Variants in NLGN1 observed in about 807,000 individuals in gnomAD.
NLGN1 encodes the protein neuroligin 1.
NLGN1 carries 12 observed loss-of-function variants against 65.5 expected under a neutral mutation model. The observed-to-expected ratio is 0.18, with a 90% CI of 0.12 to 0.30. The LOEUF (loss-of-function observed/expected upper bound fraction) is 0.30, where lower values mean the gene tolerates loss of function less well. Among genes scored for constraint, NLGN1 ranks in the 10% least tolerant of loss-of-function variants. The pLI, the probability that NLGN1 is intolerant of heterozygous loss-of-function variation, is 1.00. For synonymous variants in NLGN1, 350 were observed against 359.5 expected, an observed-to-expected ratio of 0.97 and a Z score of 0.30; for missense variants, 750 against 1,007.1, an observed-to-expected ratio of 0.74 and a Z score of 3.46.
chr3:173,765,653 A>G (rs1040213866), intron 3 of NLGN1, among the ~76,000 whole-genome samples: 2 of 152,128 alleles, frequency 1.3e-5, no homozygotes, highest in African/African-American at 4.8e-5. Context: ...TCTCTCTATA[A>G]ACTTAGTCCA....
chr3:174,224,035 C>T (rs897291797), intron 4 of NLGN1, among the ~76,000 whole-genome samples: 11 of 152,172 alleles, frequency 7.2e-5, no homozygotes, highest in Admixed American at 5.2e-4. Flanking sequence ...TGTATGATAA[C>T]CCTGAGAGTT....
chr3:173,503,624 A>C (rs561258496), intron 2 of NLGN1, among the ~76,000 whole-genome samples: 45 of 152,194 alleles, frequency 3.0e-4, no homozygotes, highest in African/African-American at 1.1e-3. Context: ...CTAAGCTGTT[A>C]CAGACCAGAC....
At chr3:173,919,609 C>G (rs1464592060) in intron 4 of NLGN1, among the ~76,000 whole-genome samples, 6 of 152,090 alleles carry the variant, frequency 3.9e-5, no homozygotes, top group Non-Finnish European at 8.8e-5. Context: ...ACACTCTTAA[C>G]TAGGTCATGC....
chr3:173,405,134 A>G (rs1356825324), intron 1 of NLGN1, among the ~76,000 whole-genome samples: 1 of 152,102 alleles, frequency 6.6e-6, no homozygotes, highest in Non-Finnish European at 1.5e-5. Flanking sequence ...TTTCCACAGA[A>G]AATAGTATGC....
At chr3:174,214,361 G>A (rs7646909) in intron 4 of NLGN1, among the ~76,000 whole-genome samples, 93,273 of 152,058 alleles carry the variant, frequency 0.61, 30,208 homozygotes, top group East Asian at 0.77. Context: ...GTAAATTACA[G>A]TGAAACTAGC....
chr3:174,226,285 T>A (rs1210883022), intron 4 of NLGN1, among the ~76,000 whole-genome samples: 1 of 152,072 alleles, frequency 6.6e-6, no homozygotes, highest in African/African-American at 2.4e-5. Flanking sequence ...CATTAGCTAC[T>A]CCCCCTACCC....
intron 2 of NLGN1, among the ~76,000 whole-genome samples, chr3:173,452,663 A>G (rs1050041783): frequency 4.6e-5 from 7 of 152,200 alleles, no homozygotes; most frequent in African/African-American, 1.7e-4. Context: ...ACATAAACTC[A>G]TATTTAAATG....
intron 4 of NLGN1, among the ~76,000 whole-genome samples, chr3:174,160,385 C>T (rs1365120283): frequency 1.3e-5 from 2 of 151,682 alleles, no homozygotes; most frequent in Non-Finnish European, 3.0e-5. Flanking sequence ...AATCCTTTTA[C>T]ATAACCATAG....
At chr3:173,979,023 C>G (rs1026159897) in intron 4 of NLGN1, among the ~76,000 whole-genome samples, 1 of 151,302 alleles carries the variant, frequency 6.6e-6, no homozygotes, top group African/African-American at 2.4e-5. Context: ...AAAATTGAAT[C>G]AAGAATGAGT....
chr3:173,485,151 A>T (rs1031575276), intron 2 of NLGN1, among the ~76,000 whole-genome samples: 1 of 151,212 alleles, frequency 6.6e-6, no homozygotes, highest in African/African-American at 2.4e-5. Context: ...CTTGTGCAAA[A>T]ACTACCATTT....
intron 4 of NLGN1, among the ~76,000 whole-genome samples, chr3:174,231,377 T>C (rs1740672685): frequency 6.6e-6 from 1 of 152,248 alleles, no homozygotes; most frequent in African/African-American, 2.4e-5. Context: ...AACAGTGAGA[T>C]TGGTTACAGC....
chr3:174,095,675 T>C (rs575108704), intron 4 of NLGN1, among the ~76,000 whole-genome samples: 64 of 152,162 alleles, frequency 4.2e-4, no homozygotes, highest in South Asian at 1.5e-3. Flanking sequence ...GATACATATA[T>C]ACACACACAC....
At chr3:174,105,720 T>C (rs554671185) in intron 4 of NLGN1, among the ~76,000 whole-genome samples, 10 of 152,032 alleles carry the variant, frequency 6.6e-5, no homozygotes, top group Non-Finnish European at 1.3e-4. Context: ...TATCTAGATA[T>C]ATATATATCT....
At chr3:174,161,533 C>T (rs1015444904) in intron 4 of NLGN1, among the ~76,000 whole-genome samples, 2 of 151,848 alleles carry the variant, frequency 1.3e-5, no homozygotes, top group Non-Finnish European at 2.9e-5. Flanking sequence ...TAATCATGTG[C>T]TGCAGCCAAG....
intron 2 of NLGN1, among the ~76,000 whole-genome samples, chr3:173,572,761 A>G (rs1744853797): frequency 1.3e-5 from 2 of 152,296 alleles, no homozygotes; most frequent in South Asian, 2.1e-4. Context: ...TCATCTGATC[A>G]GTCCTTTCAG....
At chr3:173,676,414 T>C (rs1763179958) in intron 3 of NLGN1, among the ~76,000 whole-genome samples, 1 of 152,178 alleles carries the variant, frequency 6.6e-6, no homozygotes, top group South Asian at 2.1e-4. Flanking sequence ...TTAGCCAGTC[T>C]GCCCTTTTGG....
intron 3 of NLGN1, among the ~76,000 whole-genome samples, chr3:173,687,167 C>T (rs1764812652): frequency 6.6e-6 from 1 of 152,092 alleles, no homozygotes; most frequent in Non-Finnish European, 1.5e-5. Context: ...TGGACTTAAC[C>T]CTATGTTTGT....
chr3:173,579,958 G>T (rs1577368804), intron 2 of NLGN1, among the ~76,000 whole-genome samples: 1 of 151,898 alleles, frequency 6.6e-6, no homozygotes, highest in African/African-American at 2.4e-5. Context: ...ATTGTTGTGG[G>T]TATATAGTAG....
intron 3 of NLGN1, among the ~76,000 whole-genome samples, chr3:173,791,742 T>C (rs1321387408): frequency 6.6e-6 from 1 of 152,080 alleles, no homozygotes; most frequent in Non-Finnish European, 1.5e-5. Context: ...TATTGCTATG[T>C]GACTTATTGT....
Sources: gnomAD v4.1 joint callset for allele counts (sites outside exome capture counted in the v4.1 genomes callset) on GRCh38, gnomAD v4.1.1 for gene constraint, MANE v1.5 for transcripts, NCBI Gene and HGNC (gene_info 2026-07-23, HGNC 2026-07-21) for gene names.